The following TTC7B variants were observed in gnomAD, a reference collection of about 807,000 sequenced individuals.
The protein encoded by TTC7B is tetratricopeptide repeat protein 7B.
TTC7B carries 28 observed loss-of-function variants against 106.8 expected under a neutral mutation model. The ratio of observed to expected loss-of-function variants is 0.26; its 90% confidence interval spans 0.19 to 0.36. The LOEUF is 0.36. TTC7B is among the 10% of genes least tolerant of loss of function. The probability of loss-of-function intolerance (pLI) is 1.00; values close to 1 mark genes in which losing one functional copy is unlikely to be tolerated. For synonymous variants in TTC7B, 405 were observed against 430.6 expected (o/e 0.94, Z 0.74); for missense variants, 862 against 1,076.4 (o/e 0.80, Z 2.79).
Position 90,816,285 on chromosome 14 carries a change from T to C in TTC7B, c.11A>G (p.Lys4Arg). 1 of 1,223,122 alleles carries C rather than the reference T, an allele frequency of 8.2e-7. No individual in the cohort carries two copies. The highest frequency in any genetic ancestry group is 1.1e-6 in the Non-Finnish European group (1 of 951,342). 75.8% of individuals were successfully genotyped at this position (1,223,122 alleles called of 1,614,324 possible). Residue 4 changes from lysine (K) to arginine (R), a missense_variant, in exon 1 of 20, where the codon AAG (lysine) becomes AGG (arginine). Physicochemically the swap from Lys to Arg is conservative, Grantham distance 26. Coordinates refer to ENST00000328459, the MANE Select transcript of TTC7B (RefSeq NM_001010854.2). ...CGTCTCCAGCCGCGAGCCTGCCTTCTTGGTCGCCATCGCGGCCTGGCCGGG... is the reference window on the plus strand; with the variant it reads ...CGTCTCCAGCCGCGAGCCTGCCTTCCTGGTCGCCATCGCGGCCTGGCCGGG... MAT[K>R]KAGSRLETEI...
chr14:90,564,393 A>G (rs1284606488), intron 19 of TTC7B, among the ~76,000 whole-genome samples: 1 of 152,210 alleles, frequency 6.6e-6, no homozygotes, highest in African/African-American at 2.4e-5. Context: ...CCATTTACAG[A>G]GCACAGGCAG....
chr14:90,766,586 T>C (rs891110134), intron 3 of TTC7B: 21 of 830,812 alleles, frequency 2.5e-5, no homozygotes, highest in Non-Finnish European at 4.2e-5. Context: ...CTCAACACCA[T>C]CATCGATGGG....
At chr14:90,809,802 G>T (rs2030801547) in intron 1 of TTC7B, among the ~76,000 whole-genome samples, 1 of 152,242 alleles carries the variant, frequency 6.6e-6, no homozygotes. Flanking sequence ...CATTTGGTAA[G>T]AAGACAAGGC....
intron 9 of TTC7B, among the ~76,000 whole-genome samples, chr14:90,664,732 G>A (rs1243083010): frequency 2.0e-5 from 3 of 152,342 alleles, no homozygotes; most frequent in South Asian, 2.1e-4. Flanking sequence ...CAGTCACATG[G>A]TAAAGGCACT....
At chr14:90,753,157 A>G (rs1354270277) in intron 3 of TTC7B, among the ~76,000 whole-genome samples, 1 of 152,248 alleles carries the variant, frequency 6.6e-6, no homozygotes, top group African/African-American at 2.4e-5. Flanking sequence ...AAAAGACTAT[A>G]AAATATAATG....
chr14:90,756,831 C>A (rs2140012522), intron 3 of TTC7B, among the ~76,000 whole-genome samples: 1 of 104,466 alleles, frequency 9.6e-6, no homozygotes, highest in East Asian at 2.8e-4. Context: ...CTCTCTAAGT[C>A]CCTGCTTGCT....
At chr14:90,784,846 C>T (rs567521207) in intron 2 of TTC7B, among the ~76,000 whole-genome samples, 1 of 152,164 alleles carries the variant, frequency 6.6e-6, no homozygotes, top group Non-Finnish European at 1.5e-5. Context: ...CACCTCCTAG[C>T]GGCCTGGAGC....
intron 15 of TTC7B, among the ~76,000 whole-genome samples, chr14:90,634,166 C>T (rs969707502): frequency 7.9e-5 from 12 of 152,094 alleles, no homozygotes; most frequent in East Asian, 1.9e-4. Context: ...CATGAGCCAC[C>T]GCGCCTGGCC....
intron 2 of TTC7B, among the ~76,000 whole-genome samples, chr14:90,783,915 T>A (rs1891297567): frequency 6.6e-6 from 1 of 151,894 alleles, no homozygotes; most frequent in South Asian, 2.1e-4. Flanking sequence ...AGAACAACAC[T>A]CTGTCTCAAA....
rs373079453 is a variant in TTC7B, at chr14:90,562,975, C to T, written c.2310+15131G>A. ...CTCCCCCAACCCCTGCCGCACCATA[C>T]CCTGCACATCTGTCTATCAGAGTCT... is the stretch of plus-strand genomic sequence containing the variant. On this transcript the variant is annotated intron_variant, in intron 19 of 19. Coordinates refer to ENST00000328459, the MANE Select transcript of TTC7B (RefSeq NM_001010854.2). Among the ~76,000 whole-genome samples the T allele has an allele frequency of 2.1e-4, 32 of 152,304 alleles. No homozygotes were observed. In the South Asian group the frequency reaches 6.2e-3, roughly 30 times the overall value.
intron 9 of TTC7B, among the ~76,000 whole-genome samples, chr14:90,661,359 C>T (rs1369483386): frequency 6.6e-6 from 1 of 152,208 alleles, no homozygotes; most frequent in African/African-American, 2.4e-5. Flanking sequence ...CTTTAAGGAG[C>T]ACAGCGGGGA....
chr14:90,773,994 A>T (rs2140028975), intron 3 of TTC7B, among the ~76,000 whole-genome samples: 1 of 152,266 alleles, frequency 6.6e-6, no homozygotes, highest in South Asian at 2.1e-4. Context: ...AGAGCCCTGG[A>T]CCTATATGAT....
chr14:90,646,605 C>A (rs1885465804), intron 14 of TTC7B, among the ~76,000 whole-genome samples: 1 of 152,204 alleles, frequency 6.6e-6, no homozygotes, highest in South Asian at 2.1e-4. Flanking sequence ...CTGGGTTCTG[C>A]TACCTGGTTC....
In TTC7B at chr14:90,578,096, G is replaced by A. The variant is rs777289370; in HGVS notation, c.2310+10C>T. On this transcript the variant is annotated intron_variant, in intron 19 of 19. Coordinates refer to ENST00000328459, the MANE Select transcript of TTC7B (RefSeq NM_001010854.2). The surrounding 1 kb of genome is among the most constrained non-coding windows in gnomAD (Gnocchi z 4.7). Reference sequence around the variant, plus strand: ...CAGAGTAGGGGCCACCGCCGGGCTCGTGGACTCACCAGTCGCTGCATGCTC... The same window carrying A: ...CAGAGTAGGGGCCACCGCCGGGCTCATGGACTCACCAGTCGCTGCATGCTC... 35 of 1,603,980 alleles carry A rather than the reference G, an allele frequency of 2.2e-5. No individual in the cohort carries two copies. Among genetic ancestry groups the A allele is most frequent in the Middle Eastern group, 3.4e-4 (2 of 5,818 alleles).
At chr14:90,549,379 TC>T (rs1428779099) in intron 19 of TTC7B, among the ~76,000 whole-genome samples, 1 of 152,164 alleles carries the variant, frequency 6.6e-6, no homozygotes, top group East Asian at 1.9e-4. Flanking sequence ...TCATACAGCC[TC>T]CTCGTGGTGG....
At chr14:90,811,813 G>A (rs552193927) in intron 1 of TTC7B, among the ~76,000 whole-genome samples, 3 of 152,192 alleles carry the variant, frequency 2.0e-5, no homozygotes, top group Non-Finnish European at 4.4e-5. Flanking sequence ...CTCAGTCGCC[G>A]AGCTTGCCTA....
intron 4 of TTC7B, among the ~76,000 whole-genome samples, chr14:90,733,746 C>T (rs1595333625): frequency 1.3e-5 from 2 of 152,146 alleles, no homozygotes; most frequent in East Asian, 1.9e-4. Flanking sequence ...GACCGAGGCG[C>T]GAGGTCTGGT....
rs890108860 is a variant in TTC7B, at chr14:90,737,552, T to C, written c.576+7240A>G. ...TCATATATTGTATGATTCTGTTTTT[T>C]TTTTTTTTTTTTTTTTTTTGAGATG... is the stretch of plus-strand genomic sequence containing the variant. On this transcript the variant is annotated intron_variant, in intron 4 of 19. Transcript: ENST00000328459. 2.0e-3 allele frequency among the ~76,000 whole-genome samples: 276 copies of C among 138,516 alleles called. 5 individuals carry two copies. The highest frequency in any genetic ancestry group is 7.2e-3 in the African/African-American group (267 of 37,184). 90.9% of individuals were successfully genotyped at this position (138,516 alleles called of 152,430 possible).
Position 90,635,341 on chromosome 14 carries a change from C to T in TTC7B, c.1751+8707G>A, listed in dbSNP as rs556128165. Among the ~76,000 whole-genome samples the T allele has an allele frequency of 2.4e-3, 359 of 152,102 alleles. 1 individual carries two copies. Among genetic ancestry groups the T allele is most frequent in the Non-Finnish European group, 4.4e-3 (296 of 67,956 alleles). On this transcript the variant is annotated intron_variant, in intron 15 of 19. Transcript: ENST00000328459. ...GAAAAGGAGAGGATACGATATGGAA[C>T]AAGAGGCAAGTCAAATAGAAAGCAT...
Sources: allele counts gnomAD v4.1 joint callset (sites outside exome capture counted in the v4.1 genomes callset), GRCh38; gene constraint gnomAD v4.1.1; non-coding constraint Gnocchi (gnomAD v3.1); transcripts MANE v1.5; gene names NCBI Gene and HGNC (gene_info 2026-07-23, HGNC 2026-07-21).